MYSM1: variants seen among roughly 807,000 people sequenced by gnomAD.
The protein encoded by MYSM1 is Myb like, SWIRM and MPN domains 1.
A neutral mutation model predicts 116.0 loss-of-function variants in MYSM1; 51 were observed. That is an observed-to-expected ratio of 0.44 (90% CI 0.35 to 0.56). The LOEUF is 0.56. Ranked by LOEUF, MYSM1 falls within the 20% of genes least tolerant of loss-of-function variation. The pLI is 0.00. For missense variants in MYSM1, 900 were observed against 974.9 expected, an observed-to-expected ratio of 0.92 and a Z score of 1.02; for synonymous variants, 313 against 315.2, an observed-to-expected ratio of 0.99 and a Z score of 0.07.
chr1:58,660,262 A>C, intron 19 of MYSM1, 107 bp from the exon 20 acceptor site: 1 of 594,764 alleles, frequency 1.7e-6, no homozygotes, highest in South Asian at 4.2e-5. Flanking sequence ...TAATGCTCAA[A>C]TGAGAAACAC....
chr1:58,675,898 C>A (rs1041341511), intron 9 of MYSM1, among the ~76,000 whole-genome samples: 40 of 152,108 alleles, frequency 2.6e-4, no homozygotes, highest in Admixed American at 2.6e-3. Context: ...TCTCAATATT[C>A]AAGGCTTTGG....
chr1:58,682,220 G>A lies in MYSM1; in HGVS notation c.824C>T (p.Ser275Phe), dbSNP rs1644756130. The A allele has an allele frequency of 6.2e-7, 1 of 1,613,048 alleles. No homozygotes were observed. The highest frequency in any genetic ancestry group is 1.7e-5 in the Admixed American group (1 of 59,954). Residue 275 changes from serine (S) to phenylalanine (F), a missense_variant, in exon 8 of 20, where the codon TCT becomes TTT. Around this residue, in one of 3 missense-constraint regions of MYSM1, gnomAD observed 622 missense variants for 623.7 expected, o/e 1.00. Transcript: ENST00000472487. ...TTCATTTTGAAGACAGCCCCTGGAA[G>A]ACTTAGAAAAGAGAGCTTCCTGGCT... ...SDSQEALFSK[S>F]SRGCLQNEKQ...
At position 58,680,249 on chromosome 1, in the gene MYSM1, T is replaced by C. The variant is rs1418765229; in HGVS notation, c.1259+1536A>G. Among the ~76,000 whole-genome samples, 4 of 152,292 alleles carry C rather than the reference T, an allele frequency of 2.6e-5. No individual in the cohort carries two copies. The East Asian group carries it at 7.7e-4, about 29-fold the overall frequency. Reference sequence around the variant, plus strand: ...GAGTGATTTACAGACACATGAAGACTGAAGTCCTTCATGTGTCAGTGACTG... The same window carrying C: ...GAGTGATTTACAGACACATGAAGACCGAAGTCCTTCATGTGTCAGTGACTG... On this transcript the variant is annotated intron_variant, in intron 8 of 19. Transcript: ENST00000472487.
chr1:58,665,919 T>C (rs547842889), intron 16 of MYSM1, among the ~76,000 whole-genome samples: 15 of 152,104 alleles, frequency 9.9e-5, no homozygotes, highest in African/African-American at 3.6e-4. Context: ...TAGCCAGGTG[T>C]AGTGGCACGT....
chr1:58,665,299 A>G (rs1160552152), intron 17 of MYSM1, among the ~76,000 whole-genome samples, 200 bp downstream of exon 17: 1 of 152,212 alleles, frequency 6.6e-6, no homozygotes, highest in Non-Finnish European at 1.5e-5. Flanking sequence ...ATGGTAACAA[A>G]AGTGGGGACT....
intron 17 of MYSM1, 80 bp from the exon 18 acceptor site, chr1:58,661,591 C>A: frequency 1.3e-6 from 1 of 796,692 alleles, no homozygotes; most frequent in East Asian, 2.6e-5. Flanking sequence ...TTAAAATTCC[C>A]TTCGGTGTTT....
At chr1:58,671,627 C>A (rs1344316982) in intron 12 of MYSM1, among the ~76,000 whole-genome samples, 1 of 152,092 alleles carries the variant, frequency 6.6e-6, no homozygotes, top group Non-Finnish European at 1.5e-5. Context: ...ACCAACCTGT[C>A]CTAAACAGGG....
At chr1:58,680,155 T>C (rs1042673360) in intron 8 of MYSM1, among the ~76,000 whole-genome samples, 1 of 151,984 alleles carries the variant, frequency 6.6e-6, no homozygotes, top group Non-Finnish European at 1.5e-5. Context: ...AAAACAAAAG[T>C]AGATACCAAT....
rs1355992534 is a variant in MYSM1 at position 58,667,239 on chromosome 1, G to C, written c.1843-13C>G. 1 of 1,488,904 alleles carries C rather than the reference G, an allele frequency of 6.7e-7. No individual in the cohort carries two copies. The highest frequency in any genetic ancestry group is 1.4e-5 in the South Asian group (1 of 69,860). The allele number at this position is 1,488,904 out of a possible 1,614,324, so 92.2% of individuals were successfully genotyped here. On this transcript the variant is annotated splice_polypyrimidine_tract_variant and intron_variant, in intron 15 of 19. Transcript: ENST00000472487. ...CTGCTGCACAGACCTATAAACGATT[G>C]ATCCTCAAATGATTATACTAAAATC...
rs1644777182 is a variant in MYSM1 at position 58,683,378 on chromosome 1, CT to C, written c.499-834del. Among the ~76,000 whole-genome samples, 6 of 152,212 alleles carry C rather than the reference CT, an allele frequency of 3.9e-5. No individual in the cohort carries two copies. In the South Asian group the frequency reaches 1.2e-3, roughly 32 times the overall value. ...TCTTCACTGAGTACATTAAAACTAC[CT>C]TTCATTTAAATAAGGGACAACAGAA... On this transcript the variant is annotated intron_variant, in intron 7 of 19. Coordinates refer to ENST00000472487, the MANE Select transcript of MYSM1 (RefSeq NM_001085487.3).
At position 58,667,119 on chromosome 1, in the gene MYSM1, A is replaced by G; in HGVS notation, c.1950T>C (p.Ser650=). The stretch of plus-strand genomic sequence containing the variant: ...GATGAGAATGATACCATCCAATAAC[A>G]CTGAAGCCTCTAACAGCCAAGGTTT... ...ASETLAVRGF[S]VIGWYHSHPA... is the part of the protein sequence containing the mutation. The change falls in exon 16 of 20, where the codon AGT becomes AGC. Residue 650 remains serine (S), a synonymous_variant. Coordinates refer to ENST00000472487, the MANE Select transcript of MYSM1 (RefSeq NM_001085487.3). 1 of 1,613,700 alleles carries G rather than the reference A, an allele frequency of 6.2e-7. No homozygotes were observed. Among genetic ancestry groups the G allele is most frequent in the Non-Finnish European group, 8.5e-7 (1 of 1,179,776 alleles).
chr1:58,685,936 T>C (rs1569782250), intron 6 of MYSM1, among the ~76,000 whole-genome samples: 1 of 152,338 alleles, frequency 6.6e-6, no homozygotes, highest in Admixed American at 6.5e-5. Flanking sequence ...TCAGTTTTTA[T>C]TTCATTTTTG....
intron 12 of MYSM1, 146 bp from the exon 13 acceptor site, chr1:58,669,184 C>T (rs533286119): frequency 2.6e-5 from 15 of 566,118 alleles, no homozygotes; most frequent in South Asian, 5.3e-5. Context: ...TAAACCCTTT[C>T]GAAAGAAGCA....
In MYSM1 at chr1:58,673,653, G is replaced by A. The variant is rs755503100; in HGVS notation, c.1495-3C>T. The A allele has an allele frequency of 8.7e-6, 14 of 1,613,168 alleles. No homozygotes were observed. The highest frequency in any genetic ancestry group is 3.3e-5 in the Admixed American group (2 of 59,976). The stretch of plus-strand genomic sequence containing the variant: ...CGGACCCTACGTCTCCTTGTACGCT[G>A]CGATGAGATTAAAGTAAAGCAAAAG... On this transcript the variant is annotated splice_polypyrimidine_tract_variant and splice_region_variant and intron_variant, in intron 10 of 19. Coordinates refer to ENST00000472487, the MANE Select transcript of MYSM1 (RefSeq NM_001085487.3).
rs1384243395 is a variant in MYSM1 at position 58,689,071 on chromosome 1, C to T, written c.366G>A (p.Thr122=). The T allele has an allele frequency of 3.7e-6, 6 of 1,611,198 alleles. No homozygotes were observed. The highest frequency in any genetic ancestry group is 1.3e-5 in the African/African-American group (1 of 74,700). ...GTTCAAACAGCTCTTTTTCTTCTAT[C>T]GTCCACTTTACTGAGTAACTGGCTG... ...TKPASYSVKW[T]IEEKELFEQG... The change falls in exon 6 of 20, where the codon ACG becomes ACA. Residue 122 remains threonine, a synonymous_variant. Coordinates refer to ENST00000472487, the MANE Select transcript of MYSM1 (RefSeq NM_001085487.3).
chr1:58,669,184 C>A (rs533286119), intron 12 of MYSM1, 146 bp from the exon 13 acceptor site: 8 of 566,118 alleles, frequency 1.4e-5, no homozygotes, highest in Admixed American at 3.9e-5. Context: ...TAAACCCTTT[C>A]GAAAGAAGCA....
chr1:58,673,948 T>C (rs1207446721), intron 10 of MYSM1, among the ~76,000 whole-genome samples: 1 of 152,228 alleles, frequency 6.6e-6, no homozygotes, highest in Admixed American at 6.5e-5. Context: ...ATAAGATCAG[T>C]AATGATTTTC....
At chr1:58,666,828 C>T (rs556211401) in intron 16 of MYSM1, among the ~76,000 whole-genome samples, 9 of 150,340 alleles carry the variant, frequency 6.0e-5, no homozygotes, top group East Asian at 5.8e-4. Context: ...GAGCCAAGAT[C>T]GTGCCATTGC....
intron 1 of MYSM1, chr1:58,699,751 C>G: frequency 1.0e-5 from 10 of 985,460 alleles, no homozygotes; most frequent in Non-Finnish European, 1.2e-5. Flanking sequence ...GCCCTCACAG[C>G]ATCCGGCAAA....
Sources: gnomAD v4.1 joint callset for allele counts (sites outside exome capture counted in the v4.1 genomes callset) on GRCh38, gnomAD v4.1.1 for gene constraint, gnomAD v4.1.1 regional missense constraint, MANE v1.5 for transcripts, NCBI Gene and HGNC (gene_info 2026-07-23, HGNC 2026-07-21) for gene names.